Variants in DIS3L2 observed in about 807,000 individuals in gnomAD.
DIS3L2 encodes DIS3 like 3'-5' exoribonuclease 2.
A neutral mutation model predicts 97.5 loss-of-function variants in DIS3L2; 34 were observed. The ratio of observed to expected loss-of-function variants is 0.35; its 90% CI spans 0.27 to 0.46. DIS3L2 has a LOEUF of 0.46. Among genes scored for constraint, DIS3L2 ranks in the 20% least tolerant of loss-of-function variants. The probability of loss-of-function intolerance (pLI) is 1.00; values close to 1 mark genes in which losing one functional copy is unlikely to be tolerated. For missense variants in DIS3L2, 1,038 were observed against 1,146.0 expected (o/e 0.91, Z 1.36); for synonymous variants, 435 against 445.2 (o/e 0.98, Z 0.29).
intron 8 of DIS3L2, among the ~76,000 whole-genome samples, chr2:232,146,044 G>A (rs1350693265): frequency 6.6e-6 from 1 of 152,172 alleles, no homozygotes; most frequent in Non-Finnish European, 1.5e-5. Context: ...GACAGGGATG[G>A]CTTCCTGGCC....
downstream of DIS3L2, among the ~76,000 whole-genome samples, chr2:232,338,111 C>A (rs2106359218): frequency 6.6e-6 from 1 of 152,208 alleles, no homozygotes; most frequent in East Asian, 1.9e-4. Flanking sequence ...CCAGCCCAGG[C>A]AGCCTGACTG....
At chr2:232,334,302 A>G (rs969021559) in intron 17 of DIS3L2, 67 bp from the exon 18 acceptor site, 10 of 1,543,538 alleles carry the variant, frequency 6.5e-6, no homozygotes, top group Non-Finnish European at 8.8e-6. Context: ...CATGCAGCCC[A>G]TCCCCCAGCC....
intron 6 of DIS3L2, among the ~76,000 whole-genome samples, chr2:232,121,251 G>A (rs899845352): frequency 1.3e-5 from 2 of 152,104 alleles, no homozygotes; most frequent in Non-Finnish European, 2.9e-5. Context: ...TTTCCCTATT[G>A]AAATACTTTC....
chr2:232,070,304 G>T (rs1397923595), intron 5 of DIS3L2, among the ~76,000 whole-genome samples: 4 of 151,002 alleles, frequency 2.6e-5, no homozygotes, highest in Non-Finnish European at 5.9e-5. Flanking sequence ...CTTTCCTAGG[G>T]CTTGCTTTTC....
chr2:232,300,184 C>G (rs1694820205), intron 14 of DIS3L2, 65 bp downstream of exon 14: 1 of 1,484,846 alleles, frequency 6.7e-7, no homozygotes, highest in African/African-American at 1.4e-5. Flanking sequence ...TGTGGGCTTT[C>G]TGACACTGAG....
At chr2:232,171,438 A>G (rs567208637) in intron 9 of DIS3L2, among the ~76,000 whole-genome samples, 1 of 152,176 alleles carries the variant, frequency 6.6e-6, no homozygotes, top group Non-Finnish European at 1.5e-5. Context: ...GAGCTGTCTC[A>G]TTCTTGGATT....
rs553619171 is a variant in DIS3L2 at position 232,126,370 on chromosome 2, G to A, written c.602-4249G>A. Among the ~76,000 whole-genome samples the A allele has an allele frequency of 1.4e-4, 21 of 152,294 alleles. 1 individual carries two copies. Among genetic ancestry groups the A allele is most frequent in the African/African-American group, 4.8e-4 (20 of 41,572 alleles). On this transcript the variant is annotated intron_variant, in intron 6 of 20. Coordinates refer to ENST00000325385, the MANE Select transcript of DIS3L2 (RefSeq NM_152383.5). Reference sequence around the variant, plus strand: ...AGAAAGAAGTTAATTTCTATCTCACGTAGAAGAAGATCAGAGACAGGCAGG... The same window carrying A: ...AGAAAGAAGTTAATTTCTATCTCACATAGAAGAAGATCAGAGACAGGCAGG...
intron 12 of DIS3L2, among the ~76,000 whole-genome samples, chr2:232,254,757 G>A (rs537517782): frequency 6.6e-6 from 1 of 152,332 alleles, no homozygotes; most frequent in African/African-American, 2.4e-5. Context: ...TCTGTTGGAG[G>A]TAGTGTCTGG....
intron 1 of DIS3L2, among the ~76,000 whole-genome samples, chr2:231,965,991 T>C (rs1334648907): frequency 6.6e-6 from 1 of 151,762 alleles, no homozygotes; most frequent in African/African-American, 2.4e-5. Context: ...GCCTGTCCTT[T>C]TATTTTATCC....
At chr2:232,147,061 T>C (rs935545779) in intron 8 of DIS3L2, among the ~76,000 whole-genome samples, 13 of 152,200 alleles carry the variant, frequency 8.5e-5, no homozygotes, top group Admixed American at 7.2e-4. Context: ...TAGTTTATCA[T>C]TTATCTGTTG....
chr2:232,138,112 G>C (rs1332014683), intron 8 of DIS3L2, among the ~76,000 whole-genome samples: 2 of 152,166 alleles, frequency 1.3e-5, no homozygotes, highest in African/African-American at 4.8e-5. Context: ...TAGTTTTCAA[G>C]TTGTAAGGGT....
At chr2:232,146,135 G>A (rs899951554) in intron 8 of DIS3L2, among the ~76,000 whole-genome samples, 1 of 152,136 alleles carries the variant, frequency 6.6e-6, no homozygotes, top group African/African-American at 2.4e-5. Context: ...TATAAAGGGA[G>A]CACCTTTAGG....
intron 9 of DIS3L2, among the ~76,000 whole-genome samples, chr2:232,194,830 T>C (rs1205274904): frequency 6.6e-6 from 1 of 151,964 alleles, no homozygotes; most frequent in Non-Finnish European, 1.5e-5. Flanking sequence ...GGAGGAGGTG[T>C]AGGTTGCATG....
At chr2:232,147,808 A>G (rs1475595119) in intron 8 of DIS3L2, among the ~76,000 whole-genome samples, 2 of 152,234 alleles carry the variant, frequency 1.3e-5, no homozygotes, top group Non-Finnish European at 2.9e-5. Context: ...CAAGACAAAT[A>G]CACAATGTAA....
At chr2:232,104,336 C>T (rs1455342351) in intron 6 of DIS3L2, among the ~76,000 whole-genome samples, 3 of 152,130 alleles carry the variant, frequency 2.0e-5, no homozygotes, top group East Asian at 1.9e-4. Context: ...CCCTCCCTGA[C>T]GCAGCAGGTA....
At chr2:231,988,271 CTAGAAT>C (rs1693477479) in intron 1 of DIS3L2, among the ~76,000 whole-genome samples, 2 of 152,180 alleles carry the variant, frequency 1.3e-5, no homozygotes, top group African/African-American at 2.4e-5. Context: ...GCTCCAAACC[CTAGAAT>C]CACTATCTTT....
chr2:232,165,674 C>T (rs140223272), intron 9 of DIS3L2, among the ~76,000 whole-genome samples: 4 of 152,198 alleles, frequency 2.6e-5, no homozygotes, highest in East Asian at 1.9e-4. Flanking sequence ...TAAGCATGTG[C>T]GACCACACCC....
intron 10 of DIS3L2, among the ~76,000 whole-genome samples, chr2:232,237,848 A>G (rs1464221651): frequency 6.6e-6 from 1 of 152,188 alleles, no homozygotes; most frequent in African/African-American, 2.4e-5. Flanking sequence ...AAGCATAGGA[A>G]AAAGTATGAG....
chr2:232,071,977 G>T (rs1431147504), intron 5 of DIS3L2, among the ~76,000 whole-genome samples: 1 of 152,184 alleles, frequency 6.6e-6, no homozygotes, highest in Non-Finnish European at 1.5e-5. Context: ...AAGATTGCTT[G>T]TAAAAAGGTA....
Sources: allele counts gnomAD v4.1 joint callset (sites outside exome capture counted in the v4.1 genomes callset), GRCh38; gene constraint gnomAD v4.1.1; transcripts MANE v1.5; gene names NCBI Gene and HGNC (gene_info 2026-07-23, HGNC 2026-07-21).